The following RALY variants were observed in gnomAD, a reference collection of about 807,000 sequenced individuals.
RALY encodes RNA-binding protein Raly.
Under a neutral mutation model 30.7 loss-of-function variants are expected in RALY, and 15 were observed. The observed-to-expected ratio is 0.49, with a 90% CI of 0.33 to 0.75. The LOEUF (loss-of-function observed/expected upper bound fraction) is 0.75. RALY is among the 30% of genes least tolerant of loss of function. The pLI, the probability that RALY is intolerant of heterozygous loss-of-function variation, is 0.02. For synonymous variants in RALY, 177 were observed against 170.8 expected, an observed-to-expected ratio of 1.04 and a Z score of -0.28; for missense variants, 339 against 414.3, an observed-to-expected ratio of 0.82 and a Z score of 1.58.
chr20:34,068,157 C>T (rs543580316), intron 2 of RALY, among the ~76,000 whole-genome samples: 4 of 152,152 alleles, frequency 2.6e-5, no homozygotes, highest in Non-Finnish European at 5.9e-5. Flanking sequence ...CCCACCTCTC[C>T]TCAGCTCATT....
At chr20:34,072,005 C>T in intron 2 of RALY, 61 bp from the exon 3 acceptor site, 1 of 1,564,668 alleles carries the variant, frequency 6.4e-7, no homozygotes, top group Non-Finnish European at 8.7e-7. Context: ...AGGATATGGG[C>T]CGTGGGCAGT....
chr20:34,066,630 A>G (rs2122254351), intron 2 of RALY, among the ~76,000 whole-genome samples: 1 of 151,390 alleles, frequency 6.6e-6, no homozygotes, highest in Middle Eastern at 3.5e-3. Flanking sequence ...GCCTCAAAGG[A>G]TCCTCCCATC....
chr20:34,057,666 C>CAA (rs548450019), intron 2 of RALY, among the ~76,000 whole-genome samples: 14,580 of 67,054 alleles, frequency 0.22, 1,481 homozygotes, highest in East Asian at 0.49. Context: ...GACTCCGTCT[C>CAA]AAAAAAAAAA....
At chr20:34,073,970 C>T in intron 5 of RALY, 104 bp downstream of exon 5, 1 of 1,340,778 alleles carries the variant, frequency 7.5e-7, no homozygotes, top group Non-Finnish European at 1.0e-6. Flanking sequence ...GAACCAAAAC[C>T]CAGAGGTTTG....
chr20:34,074,823 C>T (rs2033829170), intron 5 of RALY, among the ~76,000 whole-genome samples: 1 of 152,150 alleles, frequency 6.6e-6, no homozygotes, highest in African/African-American at 2.4e-5. Context: ...GGTCTGGGAT[C>T]GGATCCATTC....
chr20:34,033,235 T>C (rs1318674966), intron 2 of RALY: 1 of 152,214 alleles, frequency 6.6e-6, no homozygotes, highest in African/African-American at 2.4e-5. Flanking sequence ...ACTCCTACCA[T>C]GCAGGTATGT....
intron 1 of RALY, among the ~76,000 whole-genome samples, chr20:34,012,442 C>CCTCTTCTCTTTCTCTTCTCTTT (rs3831776): frequency 1.3e-4 from 19 of 151,550 alleles, no homozygotes; most frequent in Middle Eastern, 3.5e-3. Flanking sequence ...GCCTTGCTTG[C>CCTCTTCTCTTTCTCTTCTCTTT]CTCTTCTCTT....
At chr20:33,994,945 A>G (rs1366283389) in intron 1 of RALY, among the ~76,000 whole-genome samples, 1 of 152,176 alleles carries the variant, frequency 6.6e-6, no homozygotes, top group African/African-American at 2.4e-5. Flanking sequence ...TAAGGCGCAG[A>G]GGGGTCAAGT....
intron 2 of RALY, among the ~76,000 whole-genome samples, chr20:34,043,585 G>C (rs1294248250): frequency 2.6e-5 from 4 of 152,142 alleles, no homozygotes; most frequent in Admixed American, 2.0e-4. Flanking sequence ...AATGATATTT[G>C]AGGTTCTGCA....
intron 1 of RALY, among the ~76,000 whole-genome samples, chr20:33,996,034 G>A (rs914736584): frequency 2.0e-5 from 3 of 152,164 alleles, no homozygotes; most frequent in African/African-American, 7.2e-5. Flanking sequence ...ACTAGTTCTC[G>A]TAAGTCACCA....
chr20:34,058,210 G>A (rs1286403254), intron 2 of RALY, among the ~76,000 whole-genome samples: 2 of 152,116 alleles, frequency 1.3e-5, no homozygotes, highest in African/African-American at 4.8e-5. Flanking sequence ...TAGGCATTGG[G>A]TGTGTTATAC....
chr20:34,076,170 C>A, intron 6 of RALY, 130 bp downstream of exon 6: 1 of 1,144,066 alleles, frequency 8.7e-7, no homozygotes, highest in Non-Finnish European at 1.2e-6. Context: ...CTAACACAGC[C>A]AAGTATTTTC....
intron 1 of RALY, among the ~76,000 whole-genome samples, chr20:34,024,498 CTGT>C (rs1184677694): frequency 6.6e-6 from 1 of 152,204 alleles, no homozygotes; most frequent in African/African-American, 2.4e-5. Flanking sequence ...TCTTGCACAT[CTGT>C]TGTATTCTGT....
intron 2 of RALY, among the ~76,000 whole-genome samples, chr20:34,064,734 T>C (rs770782244): frequency 2.6e-5 from 4 of 152,202 alleles, no homozygotes; most frequent in Admixed American, 1.3e-4. Context: ...AGTGCCAGGC[T>C]AGGTTCATCT....
chr20:34,009,695 T>G (rs934834042), intron 1 of RALY, among the ~76,000 whole-genome samples: 24 of 152,340 alleles, frequency 1.6e-4, no homozygotes, highest in Middle Eastern at 6.8e-3. Context: ...CTTCATGTTC[T>G]TCATTTCTCT....
At chr20:34,036,643 G>T (rs1005938874) in intron 2 of RALY, among the ~76,000 whole-genome samples, 2 of 152,340 alleles carry the variant, frequency 1.3e-5, no homozygotes, top group African/African-American at 4.8e-5. Flanking sequence ...GAATTCATCA[G>T]TGAAGCCACA....
chr20:34,004,931 A>C (rs1156517583), intron 1 of RALY, among the ~76,000 whole-genome samples: 1 of 152,158 alleles, frequency 6.6e-6, no homozygotes, highest in Non-Finnish European at 1.5e-5. Context: ...TTACCAAATC[A>C]CTTTGAAGGT....
At chr20:34,073,482 T>C (rs2033788895) in intron 3 of RALY, 81 bp from the exon 4 acceptor site, 5 of 1,295,878 alleles carry the variant, frequency 3.9e-6, no homozygotes, top group Non-Finnish European at 5.6e-6. Flanking sequence ...GCACATGAAT[T>C]GCTGTGCGTG....
At chr20:34,054,944 G>T (rs1472388450) in intron 2 of RALY, among the ~76,000 whole-genome samples, 1 of 152,170 alleles carries the variant, frequency 6.6e-6, no homozygotes, top group South Asian at 2.1e-4. Flanking sequence ...GGGGGCAATA[G>T]TAATACCATT....
Sources: gnomAD v4.1 joint callset for allele counts (sites outside exome capture counted in the v4.1 genomes callset) on GRCh38, gnomAD v4.1.1 for gene constraint, MANE v1.5 for transcripts, NCBI Gene and HGNC (gene_info 2026-07-23, HGNC 2026-07-21) for gene names.